BCL2L1: variants seen among roughly 807,000 people sequenced by gnomAD.
The protein encoded by BCL2L1 is BCL2 like 1, also known as bcl-2-like protein 1.
Under a neutral mutation model 18.7 loss-of-function variants are expected in BCL2L1, and 1 was observed. That is an observed-to-expected ratio of 0.05 (90% CI 0.02 to 0.25). The LOEUF (loss-of-function observed/expected upper bound fraction) is 0.25, where lower values mean the gene tolerates loss of function less well. Ranked by LOEUF, BCL2L1 falls within the 10% of genes least tolerant of loss-of-function variation. The pLI, the probability that BCL2L1 is intolerant of heterozygous loss-of-function variation, is 1.00. For missense variants in BCL2L1, 207 were observed against 304.9 expected (o/e 0.68, Z 2.39); for synonymous variants, 103 against 122.7 (o/e 0.84, Z 1.06).
intron 2 of BCL2L1, among the ~76,000 whole-genome samples, chr20:31,670,461 G>A (rs867586745): frequency 1.3e-5 from 2 of 152,184 alleles, no homozygotes; most frequent in Non-Finnish European, 2.9e-5. Context: ...TGAAGTAGAC[G>A]GCTGGCAGCC....
chr20:31,681,641 TAATC>T (rs932194431), intron 2 of BCL2L1, among the ~76,000 whole-genome samples: 1 of 152,140 alleles, frequency 6.6e-6, no homozygotes, highest in African/African-American at 2.4e-5. Flanking sequence ...ATACTGTTCT[TAATC>T]AATCAATCAA....
upstream of BCL2L1, chr20:31,723,578 G>C: frequency 4.1e-6 from 4 of 984,540 alleles, no homozygotes; most frequent in Non-Finnish European, 4.8e-6. Context: ...GCCCTCCCCC[G>C]GGGGCGCCCC....
At chr20:31,711,566 T>C (rs556944872) in intron 2 of BCL2L1, among the ~76,000 whole-genome samples, 1 of 152,326 alleles carries the variant, frequency 6.6e-6, no homozygotes, top group African/African-American at 2.4e-5. Context: ...ATCACTAGCA[T>C]TTAGCACATT....
At chr20:31,692,558 G>A (rs1418881412) in intron 2 of BCL2L1, among the ~76,000 whole-genome samples, 1 of 151,786 alleles carries the variant, frequency 6.6e-6, no homozygotes, top group Non-Finnish European at 1.5e-5. Flanking sequence ...GGCAGATCAC[G>A]AGGTCAGGAG....
intron 2 of BCL2L1, among the ~76,000 whole-genome samples, chr20:31,715,483 C>A (rs1427508770): frequency 6.6e-6 from 1 of 152,126 alleles, no homozygotes; most frequent in Non-Finnish European, 1.5e-5. Context: ...CATGCTCCCT[C>A]CTGAGTCCAT....
At chr20:31,721,138 G>A (rs2061620946) in intron 2 of BCL2L1, among the ~76,000 whole-genome samples, 1 of 152,224 alleles carries the variant, frequency 6.6e-6, no homozygotes, top group African/African-American at 2.4e-5. Flanking sequence ...TAGTCTGAGA[G>A]GAGAGTGCCA....
rs140696034 is a variant in BCL2L1, at chr20:31,690,118, C to G, written c.565-24032G>C. Among the ~76,000 whole-genome samples, 43 of 152,304 alleles carry G rather than the reference C, an allele frequency of 2.8e-4. 1 individual carries two copies. In the East Asian group the frequency reaches 8.1e-3, roughly 29 times the overall value. ...TTTTTCCCCCTGTGACAGGGTCTCA[C>G]TCTCATCCAGGCTGGAGTGCAGTGG... On this transcript the variant is annotated intron_variant, in intron 2 of 2. Coordinates refer to ENST00000307677, the MANE Select transcript of BCL2L1 (RefSeq NM_138578.3).
chr20:31,665,595 C>T lies in BCL2L1; in HGVS notation c.*354G>A. 1 of 254,576 alleles carries T rather than the reference C, an allele frequency of 3.9e-6. No homozygotes were observed. Among genetic ancestry groups the T allele is most frequent in the Non-Finnish European group, 7.5e-6 (1 of 132,482 alleles). 15.8% of individuals were successfully genotyped at this position (254,576 alleles called of 1,614,324 possible). A position where few individuals can be genotyped will look rare whatever the true frequency, so the allele number is the denominator to read the frequency against. On this transcript the variant is annotated 3_prime_UTR_variant, in exon 3 of 3. Coordinates refer to ENST00000307677, the MANE Select transcript of BCL2L1 (RefSeq NM_138578.3). ...GGAAGAGGTTCTGAAAACTTTCAAGCTCCCTGGCAGAAAAACATTTTCAGG... is the reference window on the plus strand; with the variant it reads ...GGAAGAGGTTCTGAAAACTTTCAAGTTCCCTGGCAGAAAAACATTTTCAGG...
chr20:31,688,176 C>A (rs2060993847), intron 2 of BCL2L1, among the ~76,000 whole-genome samples: 1 of 152,082 alleles, frequency 6.6e-6, no homozygotes, highest in Admixed American at 6.6e-5. Context: ...GGCGCGGTGG[C>A]TCACACCTGT....
At chr20:31,695,925 A>G (rs146617830) in intron 2 of BCL2L1, among the ~76,000 whole-genome samples, 4 of 152,040 alleles carry the variant, frequency 2.6e-5, no homozygotes, top group African/African-American at 7.2e-5. Flanking sequence ...ATTTTTCCCT[A>G]TATCACTAAA....
At chr20:31,705,655 C>G (rs890415535) in intron 2 of BCL2L1, among the ~76,000 whole-genome samples, 2 of 152,150 alleles carry the variant, frequency 1.3e-5, no homozygotes, top group Non-Finnish European at 2.9e-5. Flanking sequence ...TCTCTTTCAC[C>G]CTAAAGGGAT....
intron 2 of BCL2L1, among the ~76,000 whole-genome samples, chr20:31,678,657 T>G (rs1013232566): frequency 3.9e-5 from 6 of 152,144 alleles, no homozygotes; most frequent in Admixed American, 3.9e-4. Context: ...CCTGCAGGAT[T>G]CCAGGGGAAG....
rs11550475 is a variant in BCL2L1, at chr20:31,665,824, C to T, written c.*125G>A. 3 of 1,333,436 alleles carry T rather than the reference C, an allele frequency of 2.2e-6. No individual in the cohort carries two copies. The African/African-American group carries it at 4.4e-5, about 19-fold the overall frequency. The allele number at this position is 1,333,436 out of a possible 1,614,324, so 82.6% of individuals were successfully genotyped here. ...TGCAAGGGACCAGATCTGGGCCCAA[C>T]CCTGTGATGGGCAGGTGGGCATGGG... On this transcript the variant is annotated 3_prime_UTR_variant, in exon 3 of 3. Coordinates refer to ENST00000307677, the MANE Select transcript of BCL2L1 (RefSeq NM_138578.3).
intron 2 of BCL2L1, among the ~76,000 whole-genome samples, chr20:31,694,412 T>G (rs1355694683): frequency 6.6e-6 from 1 of 151,974 alleles, no homozygotes; most frequent in Non-Finnish European, 1.5e-5. Flanking sequence ...AGAATGAGAT[T>G]AGGTTTCTTG....
chr20:31,698,686 G>C (rs942430898), intron 2 of BCL2L1, among the ~76,000 whole-genome samples: 1 of 151,886 alleles, frequency 6.6e-6, no homozygotes, highest in Admixed American at 6.6e-5. Context: ...ATACAGGTGC[G>C]AAACACCACA....
At position 31,702,880 on chromosome 20, in the gene BCL2L1, A is replaced by G. The variant is rs1185933803; in HGVS notation, c.564+18775T>C. Among the ~76,000 whole-genome samples, 3 of 142,928 alleles carry G rather than the reference A, an allele frequency of 2.1e-5. No homozygotes were observed. In the Admixed American group the frequency reaches 2.1e-4, roughly 10 times the overall value. The allele number at this position is 142,928 out of a possible 152,430, so 93.8% of individuals were successfully genotyped here. A position where few individuals can be genotyped will look rare whatever the true frequency, so the allele number is the denominator to read the frequency against. On this transcript the variant is annotated intron_variant, in intron 2 of 2. Transcript: ENST00000307677. Reference sequence around the variant, plus strand: ...AGAACCGCTTGAACCCGGGAGGCGGAGGTTGCAGTGAGCCGAAATGACACT... The same window carrying G: ...AGAACCGCTTGAACCCGGGAGGCGGGGGTTGCAGTGAGCCGAAATGACACT...
At chr20:31,720,801 A>G in intron 2 of BCL2L1, 1 of 985,390 alleles carries the variant, frequency 1.0e-6, no homozygotes, top group South Asian at 4.7e-5. Context: ...CTAAATCTCA[A>G]TGTCCCACAG....
At chr20:31,683,382 G>A (rs537686335) in intron 2 of BCL2L1, among the ~76,000 whole-genome samples, 137 of 152,206 alleles carry the variant, frequency 9.0e-4, no homozygotes, top group Non-Finnish European at 4.1e-4. Flanking sequence ...CTCCTCAGAG[G>A]CCTTCCTTAA....
intron 2 of BCL2L1, among the ~76,000 whole-genome samples, chr20:31,667,484 C>CATGTGTGTGTGTGTGT (rs11466889): frequency 7.4e-6 from 1 of 135,266 alleles, no homozygotes; most frequent in African/African-American, 3.1e-5. Context: ...ACCATAGTAC[C>CATGTGTGTGTGTGTGT]GTGTGTGTGT....
Sources: allele counts gnomAD v4.1 joint callset (sites outside exome capture counted in the v4.1 genomes callset), GRCh38; gene constraint gnomAD v4.1.1; transcripts MANE v1.5; gene names NCBI Gene and HGNC (gene_info 2026-07-23, HGNC 2026-07-21).